Variants in FHIT observed in about 807,000 individuals in gnomAD.
FHIT encodes the protein bis(5'-adenosyl)-triphosphatase.
Under a neutral mutation model 17.9 loss-of-function variants are expected in FHIT, and 19 were observed. That is an observed-to-expected ratio of 1.06 (90% CI 0.74 to 1.56). The LOEUF (loss-of-function observed/expected upper bound fraction) is 1.56. Ranked by LOEUF, FHIT falls within the 40% of genes most tolerant of loss-of-function variation. The pLI is 0.00. For missense variants in FHIT, 248 were observed against 189.2 expected (o/e 1.31, Z -1.82); for synonymous variants, 81 against 69.7 (o/e 1.16, Z -0.81).
At chr3:60,293,539 A>C (rs1708079114) in intron 5 of FHIT, among the ~76,000 whole-genome samples, 1 of 152,204 alleles carries the variant, frequency 6.6e-6, no homozygotes, top group Non-Finnish European at 1.5e-5. Context: ...GGTCAGGTAC[A>C]GATCTGAAGG....
At chr3:60,418,376 G>GTATATATA (rs869203310) in intron 5 of FHIT, among the ~76,000 whole-genome samples, 5 of 14,924 alleles carry the variant, frequency 3.4e-4, no homozygotes, top group African/African-American at 1.0e-3. Flanking sequence ...CTGAATGTGT[G>GTATATATA]TATATATATA....
intron 4 of FHIT, among the ~76,000 whole-genome samples, chr3:60,638,148 T>C (rs782477318): frequency 9.2e-5 from 14 of 152,294 alleles, no homozygotes; most frequent in South Asian, 2.1e-4. Flanking sequence ...TTAGAAAATA[T>C]TAACAAAAAG....
intron 5 of FHIT, among the ~76,000 whole-genome samples, chr3:60,350,073 G>C (rs767066246): frequency 2.0e-4 from 31 of 152,126 alleles, no homozygotes; most frequent in Non-Finnish European, 4.0e-4. Flanking sequence ...TAATGACTAG[G>C]TTCTGCAGAA....
chr3:60,064,210 T>C (rs1702406070), intron 5 of FHIT, among the ~76,000 whole-genome samples: 1 of 152,184 alleles, frequency 6.6e-6, no homozygotes, highest in Non-Finnish European at 1.5e-5. Flanking sequence ...TCAATAATAT[T>C]AATGAAACAT....
chr3:59,910,602 A>G (rs1704824083), intron 8 of FHIT, among the ~76,000 whole-genome samples: 1 of 152,130 alleles, frequency 6.6e-6, no homozygotes, highest in South Asian at 2.1e-4. Context: ...TTGAGTTATT[A>G]GGTATGTTCA....
At chr3:60,648,834 C>T (rs1226132186) in intron 4 of FHIT, among the ~76,000 whole-genome samples, 2 of 152,182 alleles carry the variant, frequency 1.3e-5, no homozygotes, top group Non-Finnish European at 2.9e-5. Flanking sequence ...TTCTCAGGTG[C>T]AGTTTGTTGA....
chr3:60,185,369 T>A (rs1044145217), intron 5 of FHIT, among the ~76,000 whole-genome samples: 1 of 152,202 alleles, frequency 6.6e-6, no homozygotes, highest in Non-Finnish European at 1.5e-5. Flanking sequence ...TAAAGTTGCA[T>A]CATGCAGTAG....
At chr3:60,785,932 C>CAG (rs1218784098) in intron 4 of FHIT, among the ~76,000 whole-genome samples, 1,618 of 124,462 alleles carry the variant, frequency 0.013, 33 homozygotes, top group African/African-American at 0.046. Context: ...CACACACACA[C>CAG]ACAGAGAGAG....
At chr3:61,227,347 A>G (rs913260325) in intron 1 of FHIT, among the ~76,000 whole-genome samples, 3 of 152,206 alleles carry the variant, frequency 2.0e-5, no homozygotes, top group African/African-American at 4.8e-5. Context: ...ATCTTGCCAC[A>G]TAAGGGCAAA....
intron 7 of FHIT, among the ~76,000 whole-genome samples, chr3:59,988,212 T>G (rs180746246): frequency 4.5e-4 from 68 of 152,186 alleles, no homozygotes; most frequent in African/African-American, 1.4e-3. Flanking sequence ...TGCTGAATAT[T>G]CCAAAGTTAA....
At chr3:59,933,581 T>C (rs1365150164) in intron 7 of FHIT, among the ~76,000 whole-genome samples, 1 of 152,150 alleles carries the variant, frequency 6.6e-6, no homozygotes, top group African/African-American at 2.4e-5. Flanking sequence ...GTTGATAGGA[T>C]GTCAAGCGTA....
At chr3:60,449,956 T>C (rs573592266) in intron 5 of FHIT, among the ~76,000 whole-genome samples, 1,294 of 129,336 alleles carry the variant, frequency 0.01, 16 homozygotes, top group East Asian at 0.03. Context: ...TAAACCGAGA[T>C]CGGGGCACTG....
chr3:59,863,952 T>A (rs1702519209), intron 8 of FHIT, among the ~76,000 whole-genome samples: 1 of 152,160 alleles, frequency 6.6e-6, no homozygotes, highest in Admixed American at 6.5e-5. Flanking sequence ...AAATTAGATG[T>A]GGCCATGTGG....
intron 8 of FHIT, among the ~76,000 whole-genome samples, chr3:59,825,879 T>C (rs17061239): frequency 0.031 from 4,752 of 152,286 alleles, 80 homozygotes; most frequent in South Asian, 0.037. Context: ...TTCTTATTGA[T>C]TCTTTAATGG....
At chr3:60,140,766 C>A (rs949885662) in intron 5 of FHIT, among the ~76,000 whole-genome samples, 1 of 151,962 alleles carries the variant, frequency 6.6e-6, no homozygotes, top group African/African-American at 2.4e-5. Flanking sequence ...TTAGTAGATA[C>A]AGGGTTTCTC....
chr3:61,234,776 C>T (rs2040188975), intron 1 of FHIT, among the ~76,000 whole-genome samples: 1 of 152,216 alleles, frequency 6.6e-6, no homozygotes, highest in Admixed American at 6.5e-5. Flanking sequence ...AATTCATCCA[C>T]ACCAACTTTG....
intron 4 of FHIT, among the ~76,000 whole-genome samples, chr3:60,561,131 T>G (rs1328853255): frequency 6.6e-6 from 1 of 152,014 alleles, no homozygotes; most frequent in African/African-American, 2.4e-5. Context: ...AAGAGCCTAC[T>G]GTTGTACACC....
chr3:60,745,138 T>G (rs2042331021), intron 4 of FHIT, among the ~76,000 whole-genome samples: 1 of 152,120 alleles, frequency 6.6e-6, no homozygotes, highest in Non-Finnish European at 1.5e-5. Context: ...AATCAAAAGA[T>G]CTCACAAATA....
At chr3:60,305,381 AGGT>A (rs1264154163) in intron 5 of FHIT, among the ~76,000 whole-genome samples, 5 of 152,110 alleles carry the variant, frequency 3.3e-5, no homozygotes, top group Non-Finnish European at 7.4e-5. Flanking sequence ...TTAAAATCTA[AGGT>A]ACCTTGGAAT....
Sources: gnomAD v4.1 joint callset for allele counts (sites outside exome capture counted in the v4.1 genomes callset) on GRCh38, gnomAD v4.1.1 for gene constraint, MANE v1.5 for transcripts, NCBI Gene and HGNC (gene_info 2026-07-23, HGNC 2026-07-21) for gene names.